Variants in NKAIN2 observed in about 807,000 individuals in gnomAD.
NKAIN2 encodes sodium/potassium-transporting ATPase subunit beta-1-interacting protein 2.
NKAIN2 carries 14 observed loss-of-function variants against 32.6 expected under a neutral mutation model. That is an observed-to-expected ratio of 0.43 (90% CI 0.28 to 0.67). The LOEUF is 0.67. Ranked by LOEUF, NKAIN2 falls within the 30% of genes least tolerant of loss-of-function variation. NKAIN2 has a pLI of 0.17. For missense variants in NKAIN2, 198 were observed against 258.3 expected (o/e 0.77, Z 1.60); for synonymous variants, 80 against 87.2 (o/e 0.92, Z 0.46).
intron 3 of NKAIN2, among the ~76,000 whole-genome samples, chr6:124,623,530 A>G (rs1204732293): frequency 6.6e-6 from 1 of 151,346 alleles, no homozygotes; most frequent in African/African-American, 2.4e-5. Context: ...ACCATTTGTA[A>G]TAACAAGTAC....
intron 1 of NKAIN2, among the ~76,000 whole-genome samples, chr6:123,842,907 C>T (rs1208459406): frequency 6.6e-6 from 1 of 152,114 alleles, no homozygotes; most frequent in African/African-American, 2.4e-5. Flanking sequence ...CTGGTCTTAT[C>T]TATTCAGTGC....
chr6:124,504,781 G>A (rs1005285186), intron 3 of NKAIN2, among the ~76,000 whole-genome samples: 7 of 152,152 alleles, frequency 4.6e-5, no homozygotes, highest in Admixed American at 3.3e-4. Context: ...TTTGAAAGCC[G>A]GTGGTTTAAA....
chr6:124,300,194 A>G (rs1796238163), intron 2 of NKAIN2, among the ~76,000 whole-genome samples: 1 of 152,154 alleles, frequency 6.6e-6, no homozygotes, highest in Admixed American at 6.5e-5. Flanking sequence ...CCAGGTGGAG[A>G]TAATTGAATC....
chr6:124,276,695 A>G (rs1795051327), intron 1 of NKAIN2, among the ~76,000 whole-genome samples: 1 of 152,186 alleles, frequency 6.6e-6, no homozygotes, highest in Non-Finnish European at 1.5e-5. Flanking sequence ...ATTTTAGGCA[A>G]TCTTGTAAAG....
intron 4 of NKAIN2, among the ~76,000 whole-genome samples, chr6:124,699,208 G>C (rs1484898036): frequency 1.3e-5 from 2 of 152,194 alleles, no homozygotes; most frequent in Non-Finnish European, 2.9e-5. Context: ...CTGAGGGGAA[G>C]TCATGTGGAC....
chr6:124,119,814 G>T (rs1045320499), intron 1 of NKAIN2, among the ~76,000 whole-genome samples: 1 of 152,166 alleles, frequency 6.6e-6, no homozygotes, highest in South Asian at 2.1e-4. Flanking sequence ...CTGGAGCTCA[G>T]ACTGGGCTCT....
chr6:123,873,862 T>C (rs1773032661), intron 1 of NKAIN2, among the ~76,000 whole-genome samples: 1 of 152,218 alleles, frequency 6.6e-6, no homozygotes, highest in African/African-American at 2.4e-5. Flanking sequence ...AGTTTAACTA[T>C]AGGTAAATGC....
intron 2 of NKAIN2, among the ~76,000 whole-genome samples, chr6:124,312,943 G>A (rs570797633): frequency 6.6e-6 from 1 of 152,234 alleles, no homozygotes; most frequent in South Asian, 2.1e-4. Flanking sequence ...GCCTTGGGCA[G>A]GTGCAAGGAG....
At chr6:124,261,753 G>A (rs929446087) in intron 1 of NKAIN2, among the ~76,000 whole-genome samples, 15 of 151,904 alleles carry the variant, frequency 9.9e-5, no homozygotes, top group African/African-American at 2.4e-4. Context: ...CCAGCTACTC[G>A]GGAGGCTGAG....
At chr6:124,716,186 C>T (rs578081053) in intron 4 of NKAIN2, among the ~76,000 whole-genome samples, 1 of 152,298 alleles carries the variant, frequency 6.6e-6, no homozygotes, top group African/African-American at 2.4e-5. Flanking sequence ...GTTCAAGGTT[C>T]AGAACGTAAT....
At chr6:124,194,056 T>C (rs2103104) in intron 1 of NKAIN2, among the ~76,000 whole-genome samples, 13,636 of 152,022 alleles carry the variant, frequency 0.09, 653 homozygotes, top group Non-Finnish European at 0.11. Flanking sequence ...CTGGGGCTTT[T>C]ATGGGTCTCA....
At chr6:124,756,326 G>T (rs1380584320) in intron 4 of NKAIN2, among the ~76,000 whole-genome samples, 2 of 151,994 alleles carry the variant, frequency 1.3e-5, no homozygotes, top group Non-Finnish European at 2.9e-5. Flanking sequence ...TTCGACACTG[G>T]CCTTTTTAGA....
At chr6:124,028,904 CACA>C (rs1562317499) in intron 1 of NKAIN2, among the ~76,000 whole-genome samples, 9 of 15,820 alleles carry the variant, frequency 5.7e-4, no homozygotes, top group Non-Finnish European at 8.3e-4. Flanking sequence ...TATATATATA[CACA>C]TATATGTATA....
At chr6:124,336,558 C>G (rs1415728476) in intron 2 of NKAIN2, among the ~76,000 whole-genome samples, 1 of 151,960 alleles carries the variant, frequency 6.6e-6, no homozygotes, top group African/African-American at 2.4e-5. Flanking sequence ...CAACAGTAGC[C>G]CATTTCCAGA....
At chr6:123,851,076 T>C (rs969811330) in intron 1 of NKAIN2, among the ~76,000 whole-genome samples, 1 of 152,128 alleles carries the variant, frequency 6.6e-6, no homozygotes, top group Non-Finnish European at 1.5e-5. Flanking sequence ...TCATATTTTC[T>C]TTTTCCAGTC....
At chr6:123,808,378 G>T (rs1231273224) in intron 1 of NKAIN2, among the ~76,000 whole-genome samples, 1 of 152,150 alleles carries the variant, frequency 6.6e-6, no homozygotes, top group African/African-American at 2.4e-5. Flanking sequence ...AACTTATCAT[G>T]TAAAAATATG....
chr6:123,870,729 C>A (rs1772826810), intron 1 of NKAIN2, among the ~76,000 whole-genome samples: 1 of 152,064 alleles, frequency 6.6e-6, no homozygotes, highest in African/African-American at 2.4e-5. Context: ...CGGTACGATT[C>A]CTTGTTTGAA....
intron 1 of NKAIN2, among the ~76,000 whole-genome samples, chr6:123,809,488 A>G (rs1432895075): frequency 6.6e-6 from 1 of 152,188 alleles, no homozygotes; most frequent in Non-Finnish European, 1.5e-5. Context: ...AAACTTCTAT[A>G]TCATTTTCTT....
chr6:123,998,741 C>CTGTGTGTGTG (rs530702348), intron 1 of NKAIN2, among the ~76,000 whole-genome samples: 19 of 132,640 alleles, frequency 1.4e-4, no homozygotes, highest in South Asian at 5.3e-4. Context: ...CTCTCTCTCT[C>CTGTGTGTGTG]TCTGTGTGTG....
Sources: gnomAD v4.1 joint callset for allele counts (sites outside exome capture counted in the v4.1 genomes callset) on GRCh38, gnomAD v4.1.1 for gene constraint, MANE v1.5 for transcripts, NCBI Gene and HGNC (gene_info 2026-07-23, HGNC 2026-07-21) for gene names.